Variants in HEATR6 observed in about 807,000 individuals in gnomAD.
HEATR6 encodes HEAT repeat-containing protein 6.
In HEATR6, 106 loss-of-function variants were observed where a neutral mutation model predicts 132.8. The observed-to-expected ratio is 0.80, with a 90% CI of 0.68 to 0.94. The LOEUF (loss-of-function observed/expected upper bound fraction) is 0.94, where lower values mean the gene tolerates loss of function less well. Among genes scored for constraint, HEATR6 ranks in the 40% least tolerant of loss-of-function variants. The pLI is 0.00. For synonymous variants in HEATR6, 529 were observed against 537.8 expected (o/e 0.98, Z 0.23); for missense variants, 1,339 against 1,425.1 (o/e 0.94, Z 0.97).
In HEATR6 at chr17:60,049,677, G is replaced by A. The variant is rs572334224; in HGVS notation, c.2450C>T (p.Thr817Ile). 9 of 1,613,436 alleles carry A rather than the reference G, an allele frequency of 5.6e-6. No individual in the cohort carries two copies. Among genetic ancestry groups the A allele is most frequent in the Non-Finnish European group, 7.6e-6 (9 of 1,179,678 alleles). The change falls in exon 16 of 20, where the codon ACA becomes ATA. Residue 817 changes from threonine (T) to isoleucine (I), a missense_variant. Coordinates refer to ENST00000184956, the MANE Select transcript of HEATR6 (RefSeq NM_022070.5). ...GCTGTCATTCAGCCCGAGCAGCACT[G>A]TGATGCACAGCATCTGCCTGTCATT... ...LPNDRQMLCITVLLGLNDSKN... is the reference protein window; with the variant it reads ...LPNDRQMLCIIVLLGLNDSKN...
rs1906195873 is a variant in HEATR6 at position 60,042,339 on chromosome 17, GC to G, written c.*1223del. ...GGAGCAGCAGCTCATCAGCTGTGAG[GC>G]ACCGTCAGCATCCTTGCGTCCTGTG... On this transcript the variant is annotated 3_prime_UTR_variant, in exon 20 of 20. Transcript: ENST00000184956. Among the ~76,000 whole-genome samples the G allele has an allele frequency of 2.6e-5, 4 of 152,140 alleles. No homozygotes were observed. The highest frequency in any genetic ancestry group is 9.6e-5 in the African/African-American group (4 of 41,574).
rs141770217 is a variant in HEATR6, at chr17:60,043,588, G to T, written c.3521C>A (p.Ala1174Glu). Residue 1174 changes from alanine (A) to glutamate (E), a missense_variant, in exon 20 of 20, where the codon GCA (alanine) becomes GAA (glutamate). Coordinates refer to ENST00000184956, the MANE Select transcript of HEATR6 (RefSeq NM_022070.5). ...TCACTGATTTGTTAACCCTGGGAGTGCCCCTTGTGATCCAGATGAGTCAAA... is the reference window on the plus strand; with the variant it reads ...TCACTGATTTGTTAACCCTGGGAGTTCCCCTTGTGATCCAGATGAGTCAAA... Reference protein sequence around the residue: ...VCFDSSGSQGALPGLTNQ With the variant: ...VCFDSSGSQGELPGLTNQ 44 of 1,613,072 alleles carry T rather than the reference G, an allele frequency of 2.7e-5. No homozygotes were observed. Among genetic ancestry groups the T allele is most frequent in the Non-Finnish European group, 3.5e-5 (41 of 1,179,282 alleles).
intron 14 of HEATR6, among the ~76,000 whole-genome samples, chr17:60,053,539 G>A (rs1286266765): frequency 1.3e-5 from 2 of 152,202 alleles, no homozygotes; most frequent in African/African-American, 2.4e-5. Flanking sequence ...GGAAGACAAA[G>A]GAAAGTTTGG....
chr17:60,046,191 A>C lies in HEATR6; in HGVS notation c.2808T>G (p.Leu936=). The C allele has an allele frequency of 2.5e-6, 4 of 1,613,968 alleles. No homozygotes were observed. Among genetic ancestry groups the C allele is most frequent in the Non-Finnish European group, 3.4e-6 (4 of 1,179,938 alleles). ...CTATATGAGAGGGTTGCAGAAAATG[A>C]AGCAAATTTCCAAGGGCCCGGACTG... ...SNAVRALGNL[L]HFLQPSHIEK... Residue 936 remains leucine (L), a synonymous_variant, in exon 19 of 20, where the codon CTT becomes CTG. Transcript: ENST00000184956.
intron 11 of HEATR6, among the ~76,000 whole-genome samples, chr17:60,058,823 C>G (rs1906837752): frequency 1.3e-5 from 2 of 152,160 alleles, no homozygotes; most frequent in Admixed American, 1.3e-4. Flanking sequence ...AAAAACTGAA[C>G]TCATCAGAAT....
intron 1 of HEATR6, among the ~76,000 whole-genome samples, chr17:60,078,164 G>A (rs570439660): frequency 9.2e-5 from 14 of 152,292 alleles, no homozygotes; most frequent in African/African-American, 3.4e-4. Flanking sequence ...TTTAAGGCCT[G>A]ATGTGTGTAA....
chr17:60,076,342 G>A (rs1597959743), intron 1 of HEATR6, 105 bp from the exon 2 acceptor site: 2 of 624,796 alleles, frequency 3.2e-6, no homozygotes, highest in South Asian at 3.9e-5. Context: ...CATTCAAAAT[G>A]GGGAAAGAAA....
chr17:60,056,025 A>C (rs1906732840), intron 13 of HEATR6, 90 bp downstream of exon 13: 1 of 1,390,026 alleles, frequency 7.2e-7, no homozygotes, highest in Non-Finnish European at 9.8e-7. Context: ...GAAGAATATA[A>C]AGTGAAGAAA....
chr17:60,077,983 T>C (rs2083304652), intron 1 of HEATR6, among the ~76,000 whole-genome samples: 1 of 152,116 alleles, frequency 6.6e-6, no homozygotes, highest in Admixed American at 6.5e-5. Flanking sequence ...TGCATGTGTG[T>C]TGGAAGGTGG....
At chr17:60,063,778 T>G (rs1050524807) in intron 9 of HEATR6, 8 of 152,396 alleles carry the variant, frequency 5.2e-5, no homozygotes, top group African/African-American at 1.9e-4. Context: ...AACTCAAAAC[T>G]AATCACTAAG....
In HEATR6 at chr17:60,070,705, C is replaced by A. The variant is rs549716418; in HGVS notation, c.801+1G>T. The A allele has an allele frequency of 1.9e-6, 3 of 1,559,560 alleles. No individual in the cohort carries two copies. Among genetic ancestry groups the A allele is most frequent in the Non-Finnish European group, 2.7e-6 (3 of 1,130,602 alleles). On this transcript the variant is annotated splice_donor_variant, in intron 6 of 19. Transcript: ENST00000184956. LOFTEE classifies it high-confidence loss of function. ...AATGATCATATGAAGACTTGCCTTA[C>A]CTTTAGCACAGCTAAAAGTGCTCCA...
chr17:60,052,205 G>C (rs2145184579), intron 14 of HEATR6, among the ~76,000 whole-genome samples: 1 of 152,246 alleles, frequency 6.6e-6, no homozygotes, highest in African/African-American at 2.4e-5. Flanking sequence ...CCTGGAAGAG[G>C]ATCCTCCAAC....
At position 60,041,744 on chromosome 17, in the gene HEATR6, A is replaced by G. The variant is rs1437721925; in HGVS notation, c.*1819T>C. 6.6e-6 allele frequency among the ~76,000 whole-genome samples: 1 copy of G among 152,180 alleles called. No individual in the cohort carries two copies. Among genetic ancestry groups the G allele is most frequent in the Non-Finnish European group, 1.5e-5 (1 of 68,034 alleles). On this transcript the variant is annotated 3_prime_UTR_variant, in exon 20 of 20. Transcript: ENST00000184956. The stretch of plus-strand genomic sequence containing the variant: ...ATCACTGCCCAGAGAGCAGTTTCTG[A>G]GCAGCCAACATGTCAGAGGCAGGAA...
At position 60,043,202 on chromosome 17, in the gene HEATR6, G is replaced by A. The variant is rs905758992; in HGVS notation, c.*361C>T. Reference sequence around the variant, plus strand: ...GGAGATTGTGGACACACTATTTTTCGTTAGTTTATTACAAAACTACAGATA... The same window carrying A: ...GGAGATTGTGGACACACTATTTTTCATTAGTTTATTACAAAACTACAGATA... On this transcript the variant is annotated 3_prime_UTR_variant, in exon 20 of 20. Transcript: ENST00000184956. The A allele has an allele frequency of 3.6e-5, 9 of 250,942 alleles. No homozygotes were observed. The highest frequency in any genetic ancestry group is 6.3e-5 in the Non-Finnish European group (8 of 127,570). The allele number at this position is 250,942 out of a possible 1,614,324, so 15.5% of individuals were successfully genotyped here.
At chr17:60,058,386 G>A (rs917031762) in intron 11 of HEATR6, among the ~76,000 whole-genome samples, 2 of 152,144 alleles carry the variant, frequency 1.3e-5, no homozygotes, top group Admixed American at 1.3e-4. Context: ...AAAGTTACTT[G>A]AGGATAAAGT....
At chr17:60,074,974 G>T (rs184133474) in intron 2 of HEATR6, among the ~76,000 whole-genome samples, 9 of 152,322 alleles carry the variant, frequency 5.9e-5, no homozygotes, top group African/African-American at 1.4e-4. Context: ...ATTCTAATGT[G>T]TAGTGAAGGT....
At chr17:60,057,531 T>C (rs1383449072) in intron 11 of HEATR6, 128 bp from the exon 12 acceptor site, 20 of 612,314 alleles carry the variant, frequency 3.3e-5, no homozygotes, top group Non-Finnish European at 5.3e-5. Flanking sequence ...CTTCTAGACC[T>C]CATTTCCAGT....
intron 9 of HEATR6, among the ~76,000 whole-genome samples, chr17:60,060,304 C>G (rs2083203463): frequency 6.6e-6 from 1 of 152,030 alleles, no homozygotes; most frequent in Admixed American, 6.6e-5. Context: ...TTTAGAGACA[C>G]AGTCTCGCTC....
chr17:60,042,454 T>C lies in HEATR6; in HGVS notation c.*1109A>G, dbSNP rs8071838. On this transcript the variant is annotated 3_prime_UTR_variant, in exon 20 of 20. Coordinates refer to ENST00000184956, the MANE Select transcript of HEATR6 (RefSeq NM_022070.5). ...CGCGTCCTGTGCGGCTGTGAGGCAC[T>C]GTCAGCATCCTCGCGTCCTGTGCGG... 0.047 allele frequency among the ~76,000 whole-genome samples: 1,945 copies of C among 41,136 alleles called. 249 individuals are homozygous for C. Among genetic ancestry groups the C allele is most frequent in the African/African-American group, 0.3 (1,255 of 4,178 alleles). 27.0% of individuals were successfully genotyped at this position (41,136 alleles called of 152,430 possible).
Sources: gnomAD v4.1 joint callset for allele counts (sites outside exome capture counted in the v4.1 genomes callset) on GRCh38, gnomAD v4.1.1 for gene constraint, MANE v1.5 for transcripts, NCBI Gene and HGNC (gene_info 2026-07-23, HGNC 2026-07-21) for gene names.